TBC1D19: variants seen among roughly 807,000 people sequenced by gnomAD.
The protein encoded by TBC1D19 is TBC1 domain family, member 19.
Under a neutral mutation model 89.0 loss-of-function variants are expected in TBC1D19, and 60 were observed. The observed-to-expected ratio is 0.67, with a 90% confidence interval of 0.55 to 0.84. TBC1D19 has a LOEUF of 0.84. Among genes scored for constraint, TBC1D19 ranks in the 40% least tolerant of loss-of-function variants. TBC1D19 has a pLI of 0.00. For missense variants in TBC1D19, 500 were observed against 610.8 expected, an observed-to-expected ratio of 0.82 and a Z score of 1.91; for synonymous variants, 189 against 199.7, an observed-to-expected ratio of 0.95 and a Z score of 0.45.
chr4:26,844,783 C>T, the TBC1D19 span, among the ~76,000 whole-genome samples: 5 of 151,964 alleles, frequency 3.3e-5, no homozygotes, highest in East Asian at 1.9e-4. Flanking sequence ...TTCTACTTTC[C>T]GCTTTTCTCC....
At chr4:26,818,203 T>C in the TBC1D19 span, among the ~76,000 whole-genome samples, 1 of 151,986 alleles carries the variant, frequency 6.6e-6, no homozygotes, top group African/African-American at 2.4e-5. Context: ...GTTGGAATTT[T>C]TTCTTTCAAT....
At chr4:26,683,065 T>C (rs990860923) in intron 11 of TBC1D19, among the ~76,000 whole-genome samples, 3 of 152,176 alleles carry the variant, frequency 2.0e-5, no homozygotes, top group Admixed American at 6.5e-5. Flanking sequence ...GACCATATTC[T>C]AATATTAAAA....
At chr4:26,745,033 T>G (rs1239336807) in intron 18 of TBC1D19, among the ~76,000 whole-genome samples, 1 of 152,180 alleles carries the variant, frequency 6.6e-6, no homozygotes, top group East Asian at 1.9e-4. Flanking sequence ...CTTCACGTAT[T>G]TGGATGCTTT....
At chr4:26,625,655 A>G (rs1316259603) in intron 4 of TBC1D19, among the ~76,000 whole-genome samples, 1 of 151,976 alleles carries the variant, frequency 6.6e-6, no homozygotes, top group Non-Finnish European at 1.5e-5. Context: ...AGTTTCTCAG[A>G]CTTTCCTTGT....
intron 1 of TBC1D19, among the ~76,000 whole-genome samples, chr4:26,601,299 TA>T: frequency 6.6e-6 from 1 of 152,336 alleles, no homozygotes; most frequent in Non-Finnish European, 1.5e-5. Context: ...TCTGTCTTTT[TA>T]AAGATTTATT....
chr4:26,746,831 G>A (rs182115536), intron 18 of TBC1D19, among the ~76,000 whole-genome samples: 3 of 152,064 alleles, frequency 2.0e-5, no homozygotes, highest in South Asian at 2.1e-4. Context: ...TACTCTTTGG[G>A]GCCATTATTA....
downstream of TBC1D19, among the ~76,000 whole-genome samples, chr4:26,760,516 G>A (rs1036441049): frequency 2.0e-5 from 3 of 152,164 alleles, no homozygotes; most frequent in African/African-American, 7.2e-5. Context: ...GGTTAAGGCT[G>A]CAGTGAGCTG....
the TBC1D19 span, among the ~76,000 whole-genome samples, chr4:26,830,080 T>C: frequency 2.0e-5 from 3 of 152,202 alleles, no homozygotes; most frequent in Admixed American, 2.0e-4. Flanking sequence ...TGACCCACAG[T>C]GTCCATGGCC....
intron 13 of TBC1D19, among the ~76,000 whole-genome samples, chr4:26,711,247 A>T (rs545160990): frequency 1.8e-4 from 28 of 152,252 alleles, no homozygotes; most frequent in African/African-American, 6.5e-4. Context: ...ACATATGGCT[A>T]GCCAGTTTTC....
chr4:26,629,963 A>G (rs945537689), intron 4 of TBC1D19, among the ~76,000 whole-genome samples: 1 of 151,898 alleles, frequency 6.6e-6, no homozygotes, highest in East Asian at 1.9e-4. Context: ...AAGAATTACT[A>G]AAATGTTTTT....
chr4:26,714,830 C>T (rs1383018286), intron 13 of TBC1D19, among the ~76,000 whole-genome samples: 1 of 152,034 alleles, frequency 6.6e-6, no homozygotes, highest in East Asian at 1.9e-4. Flanking sequence ...GACTTACTTT[C>T]CTTGCCTAGG....
chr4:26,851,763 C>G, the TBC1D19 span, among the ~76,000 whole-genome samples: 1 of 152,154 alleles, frequency 6.6e-6, no homozygotes, highest in Admixed American at 6.5e-5. Context: ...GTTGCCCAGG[C>G]TGGAGTGCAA....
intron 15 of TBC1D19, among the ~76,000 whole-genome samples, chr4:26,721,518 A>G (rs1397021504): frequency 6.6e-6 from 1 of 152,094 alleles, no homozygotes; most frequent in Non-Finnish European, 1.5e-5. Flanking sequence ...TGTTAATTGC[A>G]ACAACCATCT....
At chr4:26,857,409 G>C in the TBC1D19 span, among the ~76,000 whole-genome samples, 3 of 152,202 alleles carry the variant, frequency 2.0e-5, no homozygotes, top group African/African-American at 7.2e-5. Flanking sequence ...GGGCCACGCA[G>C]GGAAGTCAAA....
intron 13 of TBC1D19, among the ~76,000 whole-genome samples, chr4:26,696,726 A>G (rs1463085337): frequency 6.6e-6 from 1 of 152,240 alleles, no homozygotes; most frequent in Admixed American, 6.5e-5. Context: ...GCTCAACTAC[A>G]TGGAAACTGA....
the TBC1D19 span, among the ~76,000 whole-genome samples, chr4:26,819,241 G>A: frequency 6.6e-6 from 1 of 152,200 alleles, no homozygotes; most frequent in African/African-American, 2.4e-5. Flanking sequence ...CAGGGCAGTG[G>A]CCCCTGAAGT....
chr4:26,628,958 C>T (rs2110055436), intron 4 of TBC1D19, among the ~76,000 whole-genome samples: 1 of 152,078 alleles, frequency 6.6e-6, no homozygotes, highest in African/African-American at 2.4e-5. Flanking sequence ...AGATTCAATG[C>T]CATCCCCATC....
At chr4:26,646,391 G>T (rs1451706456) in intron 7 of TBC1D19, among the ~76,000 whole-genome samples, 7 of 152,150 alleles carry the variant, frequency 4.6e-5, no homozygotes, top group Admixed American at 2.6e-4. Flanking sequence ...AACCACTGTG[G>T]TAGACAGTGT....
At chr4:26,804,960 A>G in the TBC1D19 span, among the ~76,000 whole-genome samples, 2 of 152,284 alleles carry the variant, frequency 1.3e-5, no homozygotes, top group Admixed American at 1.3e-4. Context: ...AGCCCCAGAC[A>G]ATAAAGAAAT....
Sources: allele counts gnomAD v4.1 joint callset (sites outside exome capture counted in the v4.1 genomes callset), GRCh38; gene constraint gnomAD v4.1.1; transcripts MANE v1.5; gene names NCBI Gene and HGNC (gene_info 2026-07-23, HGNC 2026-07-21).